The following ADCY9 variants were observed in gnomAD, a reference collection of about 807,000 sequenced individuals.
ADCY9 encodes adenylate cyclase 9.
A neutral mutation model predicts 101.5 loss-of-function variants in ADCY9; 50 were observed. That is an observed-to-expected ratio of 0.49 (90% CI 0.39 to 0.62). ADCY9 has a LOEUF of 0.62. Among genes scored for constraint, ADCY9 ranks in the 20% least tolerant of loss-of-function variants. ADCY9 has a pLI of 0.00. For missense variants in ADCY9, 1,662 were observed against 1,800.4 expected (o/e 0.92, Z 1.39); for synonymous variants, 905 against 769.3 (o/e 1.18, Z -2.92).
At chr16:4,088,458 G>C (rs937508358) in intron 2 of ADCY9, among the ~76,000 whole-genome samples, 3 of 151,948 alleles carry the variant, frequency 2.0e-5, no homozygotes, top group African/African-American at 7.2e-5. Context: ...TTCCCATCTA[G>C]TTTTTGCATT....
At position 4,067,122 on chromosome 16, in the gene ADCY9, A is replaced by G. The variant is rs555261946; in HGVS notation, c.1693+46628T>C. Among the ~76,000 whole-genome samples the G allele has an allele frequency of 1.2e-4, 19 of 152,316 alleles. No homozygotes were observed. The South Asian group carries it at 2.9e-3, about 23-fold the overall frequency. Reference sequence around the variant, plus strand: ...ATAACTTAAAAAAAATTAGAATCACAGAATGGGGGGAGATGAGAAAAAATT... The same window carrying G: ...ATAACTTAAAAAAAATTAGAATCACGGAATGGGGGGAGATGAGAAAAAATT... On this transcript the variant is annotated intron_variant, in intron 2 of 10. Transcript: ENST00000294016.
chr16:4,095,976 CAAAAAA>C (rs56897380), intron 2 of ADCY9, among the ~76,000 whole-genome samples: 10 of 115,450 alleles, frequency 8.7e-5, no homozygotes, highest in African/African-American at 2.3e-4. Flanking sequence ...GACTCTATCT[CAAAAAA>C]AAAAAAAAAA....
At chr16:3,989,870 C>T (rs896656179) in intron 5 of ADCY9, among the ~76,000 whole-genome samples, 4 of 152,152 alleles carry the variant, frequency 2.6e-5, no homozygotes, top group Non-Finnish European at 4.4e-5. Flanking sequence ...GTAATTGCCA[C>T]CGTAAAAGCT....
At chr16:3,986,915 C>A (rs545909391) in intron 6 of ADCY9, among the ~76,000 whole-genome samples, 23 of 152,342 alleles carry the variant, frequency 1.5e-4, no homozygotes, top group African/African-American at 5.3e-4. Flanking sequence ...TGTTCCAGAT[C>A]CTTCAACAGC....
intron 3 of ADCY9, among the ~76,000 whole-genome samples, chr16:4,000,291 G>A (rs1195325689): frequency 1.3e-5 from 2 of 152,180 alleles, no homozygotes; most frequent in Non-Finnish European, 2.9e-5. Flanking sequence ...AGCAAGCACT[G>A]GCCCAGAGCC....
At chr16:3,975,547 A>T (rs1398236783) in intron 9 of ADCY9, among the ~76,000 whole-genome samples, 1 of 152,162 alleles carries the variant, frequency 6.6e-6, no homozygotes, top group East Asian at 1.9e-4. Context: ...TTTTGAATGA[A>T]TTCAAGCAGA....
At chr16:4,106,882 C>T (rs1012630082) in intron 2 of ADCY9, among the ~76,000 whole-genome samples, 12 of 152,204 alleles carry the variant, frequency 7.9e-5, no homozygotes, top group Non-Finnish European at 1.6e-4. Context: ...AGACAAAAAT[C>T]TTGAAACTTC....
chr16:4,080,173 A>T lies in ADCY9; in HGVS notation c.1693+33577T>A, dbSNP rs577313904. ...AAAACTCAAACACAAAATGACCAACATCAATTTTAACAAAGAAAAAAATTA... is the reference window on the plus strand; with the variant it reads ...AAAACTCAAACACAAAATGACCAACTTCAATTTTAACAAAGAAAAAAATTA... On this transcript the variant is annotated intron_variant, in intron 2 of 10. Transcript: ENST00000294016. Among the ~76,000 whole-genome samples the T allele has an allele frequency of 2.5e-4, 38 of 152,334 alleles. No individual in the cohort carries two copies. In the East Asian group the frequency reaches 7.3e-3, roughly 29 times the overall value.
At chr16:4,100,355 G>A (rs916400601) in intron 2 of ADCY9, among the ~76,000 whole-genome samples, 1 of 151,822 alleles carries the variant, frequency 6.6e-6, no homozygotes, top group African/African-American at 2.4e-5. Context: ...TCTGAGATGG[G>A]GTCTCACTCT....
In ADCY9 at chr16:4,017,154, A is replaced by T. The variant is rs528166130; in HGVS notation, c.1694-9596T>A. ...GCTCCAGCCTAGGTGATAGGGTGAG[A>T]CCCTGTCTCAAATATAATAATAATA... On this transcript the variant is annotated intron_variant, in intron 2 of 10. Transcript: ENST00000294016. Among the ~76,000 whole-genome samples, 35 of 150,260 alleles carry T rather than the reference A, an allele frequency of 2.3e-4. 1 individual carries two copies. In the South Asian group the frequency reaches 4.0e-3, roughly 17 times the overall value.
intron 2 of ADCY9, 74 bp from the exon 3 acceptor site, chr16:4,007,632 CTGGAG>C: frequency 7.7e-7 from 1 of 1,291,952 alleles, no homozygotes; most frequent in Non-Finnish European, 1.1e-6. Context: ...GTCTTGCTCT[CTGGAG>C]AGGACTCACT....
At chr16:4,092,370 C>G (rs1260189416) in intron 2 of ADCY9, among the ~76,000 whole-genome samples, 1 of 152,200 alleles carries the variant, frequency 6.6e-6, no homozygotes, top group Non-Finnish European at 1.5e-5. Flanking sequence ...TGACTCCTAC[C>G]AGACGTTTCT....
intron 2 of ADCY9, among the ~76,000 whole-genome samples, chr16:4,053,811 C>T (rs754011628): frequency 1.8e-4 from 27 of 152,018 alleles, no homozygotes; most frequent in Non-Finnish European, 3.1e-4. Context: ...TCGGAGAGCT[C>T]CCAGACGACT....
intron 2 of ADCY9, among the ~76,000 whole-genome samples, chr16:4,070,873 G>A (rs758419830): frequency 2.0e-5 from 3 of 152,144 alleles, no homozygotes; most frequent in Non-Finnish European, 4.4e-5. Context: ...TTTGAGCCCA[G>A]AAGGTCAAGG....
At chr16:3,968,223 C>T (rs1408942625) in intron 10 of ADCY9, among the ~76,000 whole-genome samples, 1 of 151,976 alleles carries the variant, frequency 6.6e-6, no homozygotes, top group Admixed American at 6.6e-5. Flanking sequence ...ACCTCCGCCT[C>T]CCGGGTTCAA....
At position 4,050,511 on chromosome 16, in the gene ADCY9, T is replaced by C. The variant is rs145753026; in HGVS notation, c.1694-42953A>G. 2.0e-3 allele frequency among the ~76,000 whole-genome samples: 306 copies of C among 152,048 alleles called. 3 individuals are homozygous for C. The highest frequency in any genetic ancestry group is 3.3e-3 in the Admixed American group (51 of 15,274). On this transcript the variant is annotated intron_variant, in intron 2 of 10. Coordinates refer to ENST00000294016, the MANE Select transcript of ADCY9 (RefSeq NM_001116.4). ...GATGGGTCACCTGAGGTCAGGAGTT[T>C]GAGACCCAGCCTGACCAACATGGTG...
intron 2 of ADCY9, among the ~76,000 whole-genome samples, chr16:4,027,744 GTC>G (rs1359313223): frequency 6.6e-6 from 1 of 152,054 alleles, no homozygotes; most frequent in South Asian, 2.1e-4. Flanking sequence ...GGGTGTGGTG[GTC>G]CATGCCTGTA....
chr16:4,021,123 T>C (rs554145930), intron 2 of ADCY9, among the ~76,000 whole-genome samples: 16 of 152,330 alleles, frequency 1.1e-4, no homozygotes, highest in African/African-American at 3.6e-4. Context: ...GTTTAAAAAG[T>C]GGTTGGTAAA....
chr16:4,102,545 C>A (rs953742925), intron 2 of ADCY9, among the ~76,000 whole-genome samples: 2 of 152,186 alleles, frequency 1.3e-5, no homozygotes, highest in Non-Finnish European at 2.9e-5. Context: ...CCTACCTCAG[C>A]CGCCCGAGTA....
Sources: allele counts gnomAD v4.1 joint callset (sites outside exome capture counted in the v4.1 genomes callset), GRCh38; gene constraint gnomAD v4.1.1; transcripts MANE v1.5; gene names NCBI Gene and HGNC (gene_info 2026-07-23, HGNC 2026-07-21).